LYST: variants seen among roughly 807,000 people sequenced by gnomAD.
LYST encodes the protein lysosomal trafficking regulator.
Under a neutral mutation model 413.6 loss-of-function variants are expected in LYST, and 192 were observed. That is an observed-to-expected ratio of 0.46 (90% confidence interval 0.41 to 0.52). The LOEUF (loss-of-function observed/expected upper bound fraction) is 0.52. LYST is among the 20% of genes least tolerant of loss of function. The probability of loss-of-function intolerance (pLI) is 0.00; values close to 1 mark genes in which losing one functional copy is unlikely to be tolerated. For missense variants in LYST, 3,815 were observed against 4,499.9 expected (o/e 0.85, Z 4.35); for synonymous variants, 1,525 against 1,567.3 (o/e 0.97, Z 0.64).
chr1:235,737,916 A>AATGAAGTGGT, intron 31 of LYST: 1 of 1,163,406 alleles, frequency 8.6e-7, no homozygotes, highest in Non-Finnish European at 1.1e-6. Flanking sequence ...GCTGCCGACG[A>AATGAAGTGGT]GTCTGGATCT....
Position 235,809,948 on chromosome 1 carries a change from A to C in LYST, c.870T>G (p.Thr290=). ...AGTCCCCAAAGCCTGCTAGGAATTC[A>C]GTTAGTGTGGGCACTACACTGGCTG... is the stretch of plus-strand genomic sequence containing the variant. ...PLAASVVPTL[T]EFLAGFGDCC... Residue 290 remains threonine, a synonymous_variant, in exon 5 of 53, where the codon ACT becomes ACG. Coordinates refer to ENST00000389793, the MANE Select transcript of LYST (RefSeq NM_000081.4). This position sits in a 1 kb window ranked among gnomAD's most constrained non-coding sequence, Gnocchi z 4.0. The C allele has an allele frequency of 1.9e-6, 3 of 1,613,958 alleles. No homozygotes were observed. Among genetic ancestry groups the C allele is most frequent in the Non-Finnish European group, 2.5e-6 (3 of 1,179,950 alleles).
At chr1:235,774,095 G>C in intron 18 of LYST, 104 bp from the exon 19 acceptor site, 1 of 792,452 alleles carries the variant, frequency 1.3e-6, no homozygotes, top group African/African-American at 1.7e-5. Context: ...AAATTCAAAG[G>C]AAAGCTAGTA....
rs746829669 is a variant in LYST, at chr1:235,808,560, C to T, written c.2258G>A (p.Ser753Asn). The change falls in exon 5 of 53, where the codon AGC (serine) becomes AAC (asparagine). Residue 753 changes from serine (S) to asparagine (N), a missense_variant. Coordinates refer to ENST00000389793, the MANE Select transcript of LYST (RefSeq NM_000081.4). Reference protein sequence around the residue: ...VELAHHCQHLSVTSAQSHVCS... With the variant: ...VELAHHCQHLNVTSAQSHVCS... ...TACATGACTTTGAGCTGAAGTAACG[C>T]TTAGGTGTTGACAATGATGTGCTAA... The T allele has an allele frequency of 1.1e-4, 179 of 1,613,888 alleles. No homozygotes were observed. The highest frequency in any genetic ancestry group is 9.9e-4 in the Middle Eastern group (6 of 6,062).
chr1:235,756,362 C>T (rs1008887402), intron 24 of LYST, among the ~76,000 whole-genome samples: 1 of 152,172 alleles, frequency 6.6e-6, no homozygotes, highest in Non-Finnish European at 1.5e-5. Context: ...TCTATTAATA[C>T]TGCCACTGCA....
intron 3 of LYST, among the ~76,000 whole-genome samples, chr1:235,818,065 A>G: frequency 6.6e-6 from 1 of 152,036 alleles, no homozygotes; most frequent in East Asian, 1.9e-4. Context: ...TTGTCATTTC[A>G]TGATTATTTT....
rs1023359571 is a variant in LYST at position 235,661,639 on chromosome 1, G to A, written c.*1301C>T. 5 of 152,654 alleles carry A rather than the reference G, an allele frequency of 3.3e-5. No individual in the cohort carries two copies. The highest frequency in any genetic ancestry group is 2.4e-5 in the African/African-American group (1 of 41,454). 9.5% of individuals were successfully genotyped at this position (152,654 alleles called of 1,614,324 possible). On this transcript the variant is annotated 3_prime_UTR_variant, in exon 53 of 53. Coordinates refer to ENST00000389793, the MANE Select transcript of LYST (RefSeq NM_000081.4). ...GCAGAATGTTTTAGAAAGTCTGGAA[G>A]TTACAAAAGTAGTACTGTAAACACC...
chr1:235,788,724 G>A lies in LYST; in HGVS notation c.4665C>T (p.Pro1555=), dbSNP rs1422271886. The A allele has an allele frequency of 1.2e-6, 2 of 1,613,836 alleles. No individual in the cohort carries two copies. The highest frequency in any genetic ancestry group is 1.7e-5 in the Admixed American group (1 of 59,996). The stretch of plus-strand genomic sequence containing the variant: ...ACCGAAAGATAAGAGTGGCATTGTG[G>A]GGATCAGCCCACACTTGGATCATCA... The part of the protein sequence containing the change: ...KALMIQVWAD[P]HNATLIFRVC... Residue 1555 remains proline (P), a synonymous_variant, in exon 13 of 53, where the codon CCC becomes CCT. Coordinates refer to ENST00000389793, the MANE Select transcript of LYST (RefSeq NM_000081.4).
intron 44 of LYST, among the ~76,000 whole-genome samples, chr1:235,705,347 G>T (rs2103107968): frequency 6.6e-6 from 1 of 152,092 alleles, no homozygotes; most frequent in African/African-American, 2.4e-5. Flanking sequence ...ATTCCAGTCA[G>T]ATGAGAATTA....
chr1:235,731,214 C>A, intron 34 of LYST, 37 bp from the exon 35 acceptor site: 5 of 1,594,050 alleles, frequency 3.1e-6, no homozygotes, highest in Non-Finnish European at 4.3e-6. Context: ...TTTAAGTGAC[C>A]ATCCAGGACT....
At chr1:235,765,965 T>C (rs890661687) in intron 21 of LYST, 114 bp downstream of exon 21, 1 of 852,044 alleles carries the variant, frequency 1.2e-6, no homozygotes, top group East Asian at 2.4e-5. Flanking sequence ...CCAACCCCAA[T>C]ATGTAATTAG....
intron 48 of LYST, among the ~76,000 whole-genome samples, chr1:235,682,002 A>C (rs1659853713): frequency 6.6e-6 from 1 of 152,174 alleles, no homozygotes; most frequent in Admixed American, 6.5e-5. Flanking sequence ...AGATAATGAC[A>C]AAACCTACAT....
intron 1 of LYST, among the ~76,000 whole-genome samples, chr1:235,873,448 A>G (rs1681021959): frequency 6.6e-6 from 1 of 152,228 alleles, no homozygotes; most frequent in African/African-American, 2.4e-5. Flanking sequence ...ACAAATACAC[A>G]ATATACAACG....
intron 30 of LYST, among the ~76,000 whole-genome samples, chr1:235,742,855 T>A (rs188314365): frequency 6.6e-6 from 1 of 151,986 alleles, no homozygotes; most frequent in African/African-American, 2.4e-5. Context: ...CAGTCAACCA[T>A]GGTCTGAAAA....
rs1478571323 is a variant in LYST, at chr1:235,753,153, G to A, written c.7351C>T (p.Leu2451Phe). The stretch of plus-strand genomic sequence containing the variant: ...GAACAAGAATTTAAAATTTGGAGAA[G>A]AAGTAAAAGAGCATTATGCAAGAGT... Reference protein sequence around the residue: ...NILLHNALLLLLQILNSCSKV... With the variant: ...NILLHNALLLFLQILNSCSKV... Residue 2451 changes from leucine to phenylalanine, a missense_variant, in exon 26 of 53, where the codon CTT becomes TTT. Coordinates refer to ENST00000389793, the MANE Select transcript of LYST (RefSeq NM_000081.4). The A allele has an allele frequency of 6.2e-7, 1 of 1,606,250 alleles. No individual in the cohort carries two copies. The highest frequency in any genetic ancestry group is 2.2e-5 in the East Asian group (1 of 44,710).
At chr1:235,756,672 C>T (rs1667079952) in intron 24 of LYST, among the ~76,000 whole-genome samples, 1 of 152,078 alleles carries the variant, frequency 6.6e-6, no homozygotes, top group South Asian at 2.1e-4. Flanking sequence ...CAATAATATA[C>T]TTAGTACCTA....
At chr1:235,865,085 C>T (rs1680345992) in intron 1 of LYST, among the ~76,000 whole-genome samples, 1 of 152,166 alleles carries the variant, frequency 6.6e-6, no homozygotes. Flanking sequence ...CTCCTCTTTG[C>T]TTTTTCCACC....
intron 1 of LYST, among the ~76,000 whole-genome samples, chr1:235,849,289 C>A (rs966223012): frequency 4.6e-5 from 7 of 152,060 alleles, no homozygotes; most frequent in African/African-American, 1.4e-4. Context: ...TCAATAGATG[C>A]AGAAAAAGCA....
In LYST at chr1:235,702,831, T is replaced by C. The variant is rs1661651518; in HGVS notation, c.10290A>G (p.Glu3430=). The change falls in exon 45 of 53, where the codon GAA becomes GAG. Residue 3430 remains glutamate, a synonymous_variant. Coordinates refer to ENST00000389793, the MANE Select transcript of LYST (RefSeq NM_000081.4). ...VSRPGAKLNI[E]GELPAAVGLL... ...ACCCCACAGCAGCTGGAAGCTCTCC[T>C]TCAATATTGAGCTTGGCTCCAGGTC... 1 of 1,614,080 alleles carries C rather than the reference T, an allele frequency of 6.2e-7. No homozygotes were observed. Among genetic ancestry groups the C allele is most frequent in the African/African-American group, 1.3e-5 (1 of 74,944 alleles).
chr1:235,730,371 A>G (rs1456066087), intron 36 of LYST, among the ~76,000 whole-genome samples: 1 of 152,268 alleles, frequency 6.6e-6, no homozygotes, highest in Admixed American at 6.5e-5. Flanking sequence ...CTAAGATTAA[A>G]GAGCTAGTAA....
Sources: allele counts gnomAD v4.1 joint callset (sites outside exome capture counted in the v4.1 genomes callset), GRCh38; gene constraint gnomAD v4.1.1; non-coding constraint Gnocchi (gnomAD v3.1); transcripts MANE v1.5; gene names NCBI Gene and HGNC (gene_info 2026-07-23, HGNC 2026-07-21).